Variants in NFASC observed in about 807,000 individuals in gnomAD.
NFASC encodes neurofascin, also known as neurofascin homolog.
A neutral mutation model predicts 147.5 loss-of-function variants in NFASC; 43 were observed. That is an observed-to-expected ratio of 0.29 (90% CI 0.23 to 0.38). The LOEUF (loss-of-function observed/expected upper bound fraction) is 0.38. Ranked by LOEUF, NFASC falls within the 10% of genes least tolerant of loss-of-function variation. The pLI is 1.00. For missense variants in NFASC, 1,320 were observed against 1,689.0 expected (o/e 0.78, Z 3.83); for synonymous variants, 622 against 665.5 (o/e 0.93, Z 1.01).
chr1:204,892,396 C>G (rs189715782), intron 1 of NFASC, among the ~76,000 whole-genome samples: 1 of 152,344 alleles, frequency 6.6e-6, no homozygotes, highest in Non-Finnish European at 1.5e-5. Flanking sequence ...ACAAGTTAAG[C>G]TGGGCTCTGT....
chr1:204,892,721 G>A (rs1163399844), intron 1 of NFASC, among the ~76,000 whole-genome samples: 1 of 152,170 alleles, frequency 6.6e-6, no homozygotes, highest in Non-Finnish European at 1.5e-5. Context: ...TGAATCTTGG[G>A]TTAAATAAAA....
At chr1:204,856,382 GGTGTGTGT>G (rs57653534) in intron 1 of NFASC, among the ~76,000 whole-genome samples, 160 of 139,786 alleles carry the variant, frequency 1.1e-3, no homozygotes, top group African/African-American at 4.0e-3. Context: ...ATGCAGAACA[GGTGTGTGT>G]GTGTGTGTGT....
At chr1:204,884,716 C>T (rs2080968695) in intron 1 of NFASC, among the ~76,000 whole-genome samples, 1 of 152,136 alleles carries the variant, frequency 6.6e-6, no homozygotes, top group Admixed American at 6.5e-5. Flanking sequence ...TGCATATCAG[C>T]AGAGTACCGT....
chr1:204,921,073 T>G (rs1032153514), intron 2 of NFASC, among the ~76,000 whole-genome samples: 1 of 152,142 alleles, frequency 6.6e-6, no homozygotes, highest in Admixed American at 6.5e-5. Context: ...CTACTTAGTC[T>G]CGGCCTCTAC....
chr1:205,009,903 A>G, intron 28 of NFASC: 1 of 585,068 alleles, frequency 1.7e-6, no homozygotes, highest in Non-Finnish European at 3.0e-6. Flanking sequence ...GGCACAGTCC[A>G]GGCGGCCTCA....
intron 1 of NFASC, among the ~76,000 whole-genome samples, chr1:204,835,507 G>A (rs1280836189): frequency 6.6e-6 from 1 of 152,134 alleles, no homozygotes; most frequent in Non-Finnish European, 1.5e-5. Flanking sequence ...GGGATTACAG[G>A]CGTGAGCCAC....
At chr1:204,915,401 A>AG (rs1405152746) in intron 1 of NFASC, among the ~76,000 whole-genome samples, 1 of 152,254 alleles carries the variant, frequency 6.6e-6, no homozygotes, top group Non-Finnish European at 1.5e-5. Context: ...ATAGTATGCT[A>AG]GAATTTTTAA....
Position 205,016,381 on chromosome 1 carries a change from G to T in NFASC, c.3565G>T (p.Asp1189Tyr). 6.2e-7 allele frequency: 1 copy of T among 1,614,080 alleles called. No homozygotes were observed. Among genetic ancestry groups the T allele is most frequent in the Non-Finnish European group, 8.5e-7 (1 of 1,180,006 alleles). The change falls in exon 30 of 30, where the codon GAC (aspartate) becomes TAC (tyrosine). Residue 1189 changes from aspartate (D) to tyrosine (Y), a missense_variant. Around this residue, in one of 3 missense-constraint regions of NFASC, gnomAD observed 167 missense variants for 233.8 expected, o/e 0.71. Coordinates refer to ENST00000339876, the MANE Select transcript of NFASC (RefSeq NM_001005388.3). The surrounding 1 kb of genome is among the most constrained non-coding windows in gnomAD (Gnocchi z 5.1). ...CACCATCAAGCAGCAGGAGAGTGAC[G>T]ACAGCCTGGTGGACTATGGCGAGGG... ...DGTIKQQESD[D>Y]SLVDYGEGGE...
At chr1:204,989,907 G>A (rs2095687665) in intron 23 of NFASC, 1 of 152,262 alleles carries the variant, frequency 6.6e-6, no homozygotes, top group Non-Finnish European at 1.5e-5. Flanking sequence ...CCACAGAAGG[G>A]TCAGGTCCCG....
chr1:204,983,175 G>A (rs151231662), intron 21 of NFASC, among the ~76,000 whole-genome samples: 52 of 152,304 alleles, frequency 3.4e-4, no homozygotes, highest in African/African-American at 1.2e-3. Flanking sequence ...CGCTCTGATG[G>A]ATTAGAAGGG....
At chr1:204,844,760 G>A (rs1250399104) in intron 1 of NFASC, among the ~76,000 whole-genome samples, 2 of 152,108 alleles carry the variant, frequency 1.3e-5, no homozygotes, top group Non-Finnish European at 2.9e-5. Context: ...CTTGAGAGGG[G>A]CAGCTGGCTG....
intron 3 of NFASC, among the ~76,000 whole-genome samples, chr1:204,945,595 G>A (rs957743880): frequency 1.3e-5 from 2 of 152,222 alleles, no homozygotes; most frequent in Admixed American, 1.3e-4. Flanking sequence ...AGGTAAGATG[G>A]GCAAAGCCCC....
At position 204,902,820 on chromosome 1, in the gene NFASC, G is replaced by T. The variant is rs576940946; in HGVS notation, c.-199-17812G>T. Among the ~76,000 whole-genome samples, 63 of 152,318 alleles carry T rather than the reference G, an allele frequency of 4.1e-4. 1 individual carries two copies. In the South Asian group the frequency reaches 0.012, roughly 30 times the overall value. On this transcript the variant is annotated intron_variant, in intron 1 of 29. Transcript: ENST00000339876. The stretch of plus-strand genomic sequence containing the variant: ...ATTGCCATCTGGGACTGCCAGTGAG[G>T]GGGAGAGGCATGTGACTGTCAAATG...
At chr1:204,837,539 T>G (rs1412301413) in intron 1 of NFASC, among the ~76,000 whole-genome samples, 2 of 152,104 alleles carry the variant, frequency 1.3e-5, no homozygotes, top group Non-Finnish European at 2.9e-5. Flanking sequence ...ACAACAAGAT[T>G]GTGGTGTTAG....
At chr1:204,873,072 G>T (rs2078028235) in intron 1 of NFASC, among the ~76,000 whole-genome samples, 1 of 152,062 alleles carries the variant, frequency 6.6e-6, no homozygotes, top group South Asian at 2.1e-4. Context: ...GGGTTATTTT[G>T]GTGTCCATAA....
chr1:204,977,099 A>G (rs985826071), intron 16 of NFASC: 3 of 1,205,026 alleles, frequency 2.5e-6, no homozygotes, highest in South Asian at 3.7e-5. Context: ...CCTTTCTTAC[A>G]GCTAACTCCA....
chr1:205,016,231 T>G lies in NFASC; in HGVS notation c.3492-77T>G. 2 of 970,106 alleles carry G rather than the reference T, an allele frequency of 2.1e-6. No individual in the cohort carries two copies. The highest frequency in any genetic ancestry group is 3.3e-6 in the Non-Finnish European group (2 of 603,690). The allele number at this position is 970,106 out of a possible 1,614,324, so 60.1% of individuals were successfully genotyped here. A position where few individuals can be genotyped will look rare whatever the true frequency, so the allele number is the denominator to read the frequency against. On this transcript the variant is annotated intron_variant, in intron 29 of 29. Transcript: ENST00000339876. The surrounding 1 kb of genome is among the most constrained non-coding windows in gnomAD (Gnocchi z 5.1). ...CTCCTGGATCCCATCCTCTCTGAGC[T>G]GTGTAGGGCATGTGCTGGCAGGAGG...
At chr1:204,838,416 C>G (rs1240748356) in intron 1 of NFASC, among the ~76,000 whole-genome samples, 1 of 152,156 alleles carries the variant, frequency 6.6e-6, no homozygotes, top group East Asian at 1.9e-4. Context: ...GGAGAAAGCC[C>G]CATGCTGAAT....
At position 204,828,795 on chromosome 1, in the gene NFASC, G is replaced by C. The variant is rs979336454; in HGVS notation, c.-200+13G>C. 8.1e-6 allele frequency: 8 copies of C among 985,178 alleles called. No individual in the cohort carries two copies. In the African/African-American group the frequency reaches 1.2e-4, roughly 15 times the overall value. The allele number at this position is 985,178 out of a possible 1,614,324, so 61.0% of individuals were successfully genotyped here. ...CGAGCCCTTGGAGGTAGGCGAGCGC[G>C]AACACCGGAGAGATGGGGGTAGAGA... On this transcript the variant is annotated intron_variant, in intron 1 of 29. Coordinates refer to ENST00000339876, the MANE Select transcript of NFASC (RefSeq NM_001005388.3).
Sources: allele counts gnomAD v4.1 joint callset (sites outside exome capture counted in the v4.1 genomes callset), GRCh38; gene constraint gnomAD v4.1.1; regional missense constraint gnomAD v4.1.1; non-coding constraint Gnocchi (gnomAD v3.1); transcripts MANE v1.5; gene names NCBI Gene and HGNC (gene_info 2026-07-23, HGNC 2026-07-21).